ATG5: variants seen among roughly 807,000 people sequenced by gnomAD.
ATG5 encodes the protein autophagy protein 5.
A neutral mutation model predicts 36.5 loss-of-function variants in ATG5; 14 were observed. That is an observed-to-expected ratio of 0.38 (90% CI 0.25 to 0.60). ATG5 has a LOEUF of 0.60. ATG5 is among the 20% of genes least tolerant of loss of function. ATG5 has a pLI of 0.60. For synonymous variants in ATG5, 95 were observed against 101.5 expected (o/e 0.94, Z 0.38); for missense variants, 195 against 326.7 (o/e 0.60, Z 3.11).
intron 6 of ATG5, among the ~76,000 whole-genome samples, chr6:106,210,736 G>T (rs561412199): frequency 6.6e-6 from 1 of 152,162 alleles, no homozygotes; most frequent in Admixed American, 6.5e-5. Flanking sequence ...TGTGTTACTT[G>T]TGTGTCAATT....
At chr6:106,220,255 G>A (rs1777190536) in intron 6 of ATG5, among the ~76,000 whole-genome samples, 1 of 152,134 alleles carries the variant, frequency 6.6e-6, no homozygotes, top group Non-Finnish European at 1.5e-5. Flanking sequence ...GTATCAATAT[G>A]TAATATCAAT....
intron 6 of ATG5, among the ~76,000 whole-genome samples, chr6:106,245,840 T>C (rs1051128402): frequency 6.6e-6 from 1 of 152,154 alleles, no homozygotes; most frequent in Non-Finnish European, 1.5e-5. Flanking sequence ...AAATAAATGC[T>C]ACATTTAACA....
At chr6:106,270,503 C>T (rs143940748) in intron 5 of ATG5, among the ~76,000 whole-genome samples, 32 of 152,288 alleles carry the variant, frequency 2.1e-4, no homozygotes, top group African/African-American at 7.7e-4. Context: ...GAGGTGGCTC[C>T]ATATTTCATT....
chr6:106,189,699 C>A (rs1582524322), intron 7 of ATG5, among the ~76,000 whole-genome samples: 1 of 149,122 alleles, frequency 6.7e-6, no homozygotes, highest in South Asian at 2.1e-4. Flanking sequence ...AAAGGAAACA[C>A]CTGATACTGT....
intron 6 of ATG5, 79 bp from the exon 7 acceptor site, chr6:106,202,168 T>C: frequency 9.2e-7 from 1 of 1,092,854 alleles, no homozygotes; most frequent in African/African-American, 1.6e-5. Flanking sequence ...TCATAAACTT[T>C]ATGTTGGCAT....
chr6:106,297,715 TAAACACACACACACACAC>T (rs1770014090), intron 3 of ATG5, among the ~76,000 whole-genome samples: 1 of 108,270 alleles, frequency 9.2e-6, no homozygotes, highest in South Asian at 3.3e-4. Flanking sequence ...CAAAATGACT[TAAACACACACACACACAC>T]ACACACACAC....
chr6:106,323,235 T>C (rs1771981796), intron 1 of ATG5, among the ~76,000 whole-genome samples: 1 of 151,480 alleles, frequency 6.6e-6, no homozygotes, highest in East Asian at 1.9e-4. Flanking sequence ...CTGTGGTCTT[T>C]TCCGTTTCGC....
chr6:106,313,294 T>G (rs968218773), intron 2 of ATG5, among the ~76,000 whole-genome samples: 1 of 152,156 alleles, frequency 6.6e-6, no homozygotes, highest in South Asian at 2.1e-4. Context: ...CTTTTCTTCA[T>G]GAAAGAGGAA....
chr6:106,245,977 A>G (rs967043573), intron 6 of ATG5, among the ~76,000 whole-genome samples: 4 of 152,184 alleles, frequency 2.6e-5, no homozygotes, highest in Non-Finnish European at 5.9e-5. Flanking sequence ...GGTCAAGGCC[A>G]TGGTTGAAGA....
intron 5 of ATG5, among the ~76,000 whole-genome samples, chr6:106,266,866 C>T (rs573594456): frequency 6.6e-6 from 1 of 152,256 alleles, no homozygotes; most frequent in East Asian, 1.9e-4. Flanking sequence ...ATAGTAAGAG[C>T]TATTTATGAC....
rs747253760 is a variant in ATG5 at position 106,316,157 on chromosome 6, T to C, written c.52A>G (p.Thr18Ala). 11 of 1,613,768 alleles carry C rather than the reference T, an allele frequency of 6.8e-6. No individual in the cohort carries two copies. Among genetic ancestry groups the C allele is most frequent in the African/African-American group, 2.7e-5 (2 of 75,014 alleles). Reference protein sequence around the residue: ...LRDVWFGRIPTCFTLYQDEIT... With the variant: ...LRDVWFGRIPACFTLYQDEIT... Reference sequence around the variant, plus strand: ...TCATCCTGATATAGCGTGAAACAAGTTGGAATTCGTCCAAACCACACATCT... The same window carrying C: ...TCATCCTGATATAGCGTGAAACAAGCTGGAATTCGTCCAAACCACACATCT... Residue 18 changes from threonine (T) to alanine (A), a missense_variant, in exon 2 of 8, where the codon ACT becomes GCT. Physicochemically the swap from Thr to Ala is moderately conservative, Grantham distance 58. Coordinates refer to ENST00000369076, the MANE Select transcript of ATG5 (RefSeq NM_004849.4).
chr6:106,246,390 TCTCACA>T (rs767317767), intron 6 of ATG5, among the ~76,000 whole-genome samples: 7,538 of 113,250 alleles, frequency 0.067, 228 homozygotes, highest in East Asian at 0.2. Context: ...TCTCTCTCTC[TCTCACA>T]CACACACACA....
At chr6:106,306,094 A>AAT (rs1468323744) in intron 3 of ATG5, among the ~76,000 whole-genome samples, 1 of 152,238 alleles carries the variant, frequency 6.6e-6, no homozygotes, top group East Asian at 1.9e-4. Context: ...AAGATACTTG[A>AAT]ATATAATTAC....
chr6:106,202,044 C>A lies in ATG5; in HGVS notation c.619G>T (p.Ala207Ser), dbSNP rs1776451151. The change falls in exon 7 of 8, where the codon GCT becomes TCT. Residue 207 changes from alanine to serine, a missense_variant. Transcript: ENST00000369076. ...AGTGTGTGCAACTGTCCATCTGCAGCCACAGGACGAAACAGCTTCTGAATG... is the reference window on the plus strand; with the variant it reads ...AGTGTGTGCAACTGTCCATCTGCAGACACAGGACGAAACAGCTTCTGAATG... ...PFIQKLFRPV[A>S]ADGQLHTLGD... is the part of the protein sequence containing the mutation. 1.9e-6 allele frequency: 3 copies of A among 1,613,848 alleles called. No homozygotes were observed. The highest frequency in any genetic ancestry group is 2.5e-6 in the Non-Finnish European group (3 of 1,179,908).
intron 7 of ATG5, among the ~76,000 whole-genome samples, chr6:106,198,027 A>C (rs769147430): frequency 1.3e-5 from 2 of 152,208 alleles, no homozygotes; most frequent in Non-Finnish European, 2.9e-5. Context: ...TTACACTTCA[A>C]ATGAAAATAA....
At chr6:106,312,672 C>T (rs1312706894) in intron 2 of ATG5, among the ~76,000 whole-genome samples, 1 of 141,152 alleles carries the variant, frequency 7.1e-6, no homozygotes, top group African/African-American at 2.5e-5. Context: ...AAAAACCAGA[C>T]AGGCAAAAGC....
At chr6:106,213,407 G>C (rs1776928216) in intron 6 of ATG5, among the ~76,000 whole-genome samples, 1 of 151,992 alleles carries the variant, frequency 6.6e-6, no homozygotes, top group Non-Finnish European at 1.5e-5. Context: ...TATATCAGTA[G>C]GTACAAAGTA....
chr6:106,318,274 T>A (rs145596648), intron 1 of ATG5, among the ~76,000 whole-genome samples: 43 of 152,226 alleles, frequency 2.8e-4, no homozygotes, highest in African/African-American at 9.1e-4. Flanking sequence ...CAAAACATCA[T>A]GCATGTGAGT....
chr6:106,209,244 G>A (rs555703971), intron 6 of ATG5, among the ~76,000 whole-genome samples: 2 of 152,178 alleles, frequency 1.3e-5, no homozygotes, highest in Admixed American at 6.5e-5. Context: ...TGTTTTATTC[G>A]TGAGAGTCAA....
Sources: gnomAD v4.1 joint callset for allele counts (sites outside exome capture counted in the v4.1 genomes callset) on GRCh38, gnomAD v4.1.1 for gene constraint, MANE v1.5 for transcripts, NCBI Gene and HGNC (gene_info 2026-07-23, HGNC 2026-07-21) for gene names.